The following ITSN2 variants were observed in gnomAD, a reference collection of about 807,000 sequenced individuals.
ITSN2 encodes intersectin-2.
ITSN2 carries 156 observed loss-of-function variants against 243.7 expected under a neutral mutation model. The observed-to-expected ratio is 0.64, with a 90% confidence interval of 0.56 to 0.73. The LOEUF (loss-of-function observed/expected upper bound fraction) is 0.73. ITSN2 is among the 30% of genes least tolerant of loss of function. ITSN2 has a pLI of 0.00. For synonymous variants in ITSN2, 703 were observed against 699.9 expected (o/e 1.00, Z -0.07); for missense variants, 1,801 against 1,996.1 (o/e 0.90, Z 1.86).
intron 17 of ITSN2, among the ~76,000 whole-genome samples, chr2:24,279,555 G>C (rs1487340717): frequency 6.6e-6 from 1 of 152,100 alleles, no homozygotes; most frequent in Non-Finnish European, 1.5e-5. Flanking sequence ...TTGCAAAGAA[G>C]ACAGGCAGAT....
At chr2:24,266,971 G>T (rs984066082) in intron 20 of ITSN2, among the ~76,000 whole-genome samples, 2 of 151,852 alleles carry the variant, frequency 1.3e-5, no homozygotes, top group Admixed American at 6.6e-5. Flanking sequence ...AAATAGCTAA[G>T]CCAGAGCAAT....
intron 9 of ITSN2, among the ~76,000 whole-genome samples, chr2:24,303,505 A>G (rs1682062957): frequency 6.6e-6 from 1 of 152,258 alleles, no homozygotes; most frequent in African/African-American, 2.4e-5. Context: ...AGAGTCAAAA[A>G]GTTTTAAAAA....
intron 30 of ITSN2, among the ~76,000 whole-genome samples, chr2:24,218,935 G>A (rs953496517): frequency 1.3e-5 from 2 of 152,118 alleles, no homozygotes; most frequent in African/African-American, 2.4e-5. Context: ...TCCACTGTCC[G>A]TGTGATAAGA....
chr2:24,279,409 C>T (rs1204939205), intron 17 of ITSN2, among the ~76,000 whole-genome samples: 1 of 152,190 alleles, frequency 6.6e-6, no homozygotes, highest in Non-Finnish European at 1.5e-5. Flanking sequence ...TTTGGAGATT[C>T]TGACAACCCC....
At chr2:24,353,738 T>C (rs1222164231) in intron 1 of ITSN2, among the ~76,000 whole-genome samples, 2 of 152,184 alleles carry the variant, frequency 1.3e-5, no homozygotes, top group Non-Finnish European at 1.5e-5. Flanking sequence ...CCCACCAACA[T>C]TCATATCCTA....
At chr2:24,308,862 C>T (rs1398463686) in intron 7 of ITSN2, 106 bp from the exon 8 acceptor site, 2 of 764,368 alleles carry the variant, frequency 2.6e-6, no homozygotes, top group South Asian at 3.2e-5. Context: ...GGGTCCTGAA[C>T]CCCCGGGCCA....
intron 16 of ITSN2, among the ~76,000 whole-genome samples, chr2:24,285,640 TGTG>T (rs1679403988): frequency 6.6e-6 from 1 of 152,242 alleles, no homozygotes; most frequent in South Asian, 2.1e-4. Context: ...CAATGAATAC[TGTG>T]GTGAATGATA....
intron 29 of ITSN2, among the ~76,000 whole-genome samples, chr2:24,227,337 A>C (rs966855805): frequency 6.6e-6 from 1 of 151,838 alleles, no homozygotes; most frequent in Non-Finnish European, 1.5e-5. Context: ...TCCACCATAA[A>C]TTGAAAAATG....
At chr2:24,342,795 A>C (rs575542744) in intron 1 of ITSN2, among the ~76,000 whole-genome samples, 1 of 152,094 alleles carries the variant, frequency 6.6e-6, no homozygotes, top group African/African-American at 2.4e-5. Context: ...ACTCACATGA[A>C]ATAGTGAAGG....
chr2:24,258,722 T>C (rs1488397736), intron 22 of ITSN2, among the ~76,000 whole-genome samples: 1 of 152,222 alleles, frequency 6.6e-6, no homozygotes, highest in South Asian at 2.1e-4. Flanking sequence ...CCTTAAATGA[T>C]AGTCTTAAAC....
At chr2:24,245,442 A>G (rs183726071) in intron 29 of ITSN2, among the ~76,000 whole-genome samples, 2 of 152,268 alleles carry the variant, frequency 1.3e-5, no homozygotes, top group African/African-American at 4.8e-5. Context: ...CTAAAAGAGT[A>G]ATTTTGAATA....
chr2:24,276,221 T>C (rs575516277), intron 17 of ITSN2, among the ~76,000 whole-genome samples: 1 of 152,372 alleles, frequency 6.6e-6, no homozygotes, highest in East Asian at 1.9e-4. Flanking sequence ...AGTCATGTTT[T>C]TGACATATGT....
chr2:24,204,147 T>G lies in ITSN2; in HGVS notation c.4936+98A>C. On this transcript the variant is annotated intron_variant, in intron 39 of 39. Coordinates refer to ENST00000355123, the MANE Select transcript of ITSN2 (RefSeq NM_006277.3). This position sits in a 1 kb window ranked among gnomAD's most constrained non-coding sequence, Gnocchi z 5.1. ...ACAGGCCTGTGTCACTTCCCTGAAG[T>G]GGCATGGGGTCTGCACACAGCTGAA... The G allele has an allele frequency of 1.7e-6, 2 of 1,187,982 alleles. No homozygotes were observed. The highest frequency in any genetic ancestry group is 2.4e-6 in the Non-Finnish European group (2 of 821,842). 73.6% of individuals were successfully genotyped at this position (1,187,982 alleles called of 1,614,324 possible).
intron 32 of ITSN2, among the ~76,000 whole-genome samples, chr2:24,215,709 C>A (rs1669896774): frequency 6.8e-6 from 1 of 147,746 alleles, no homozygotes; most frequent in Non-Finnish European, 1.5e-5. Context: ...TATACTCTTT[C>A]TGGAATAAGG....
At position 24,261,760 on chromosome 2, in the gene ITSN2, A is replaced by C; in HGVS notation, c.2356-18T>G. 6.4e-7 allele frequency: 1 copy of C among 1,573,532 alleles called. No homozygotes were observed. The highest frequency in any genetic ancestry group is 8.7e-7 in the Non-Finnish European group (1 of 1,149,636). Reference sequence around the variant, plus strand: ...TCATCAACCTACGGAAATAAAAAGAAGGATTAACAGTGCTTAGAAATTCAC... The same window carrying C: ...TCATCAACCTACGGAAATAAAAAGACGGATTAACAGTGCTTAGAAATTCAC... On this transcript the variant is annotated intron_variant, in intron 20 of 39. Transcript: ENST00000355123.
At chr2:24,336,032 G>A (rs1477546426) in intron 1 of ITSN2, among the ~76,000 whole-genome samples, 2 of 151,646 alleles carry the variant, frequency 1.3e-5, no homozygotes, top group Non-Finnish European at 2.9e-5. Flanking sequence ...ACGAGGTCAG[G>A]AGATCGAGAC....
intron 7 of ITSN2, among the ~76,000 whole-genome samples, chr2:24,309,420 G>C (rs953884926): frequency 6.6e-6 from 1 of 152,116 alleles, no homozygotes; most frequent in South Asian, 2.1e-4. Flanking sequence ...GGCTGGTCTC[G>C]AACTCCTGAG....
Position 24,204,810 on chromosome 2 carries a change from A to G in ITSN2, c.4763-392T>C, listed in dbSNP as rs1156419225. 1 of 459,218 alleles carries G rather than the reference A, an allele frequency of 2.2e-6. No homozygotes were observed. Among genetic ancestry groups the G allele is most frequent in the Non-Finnish European group, 4.3e-6 (1 of 229,916 alleles). The allele number at this position is 459,218 out of a possible 1,614,324, so 28.4% of individuals were successfully genotyped here. ...TTTTAGTGGCACTGGACACACTGTTAGAAAGCATTCCTTTATTCAGTGTTC... is the reference window on the plus strand; with the variant it reads ...TTTTAGTGGCACTGGACACACTGTTGGAAAGCATTCCTTTATTCAGTGTTC... On this transcript the variant is annotated intron_variant, in intron 38 of 39. Coordinates refer to ENST00000355123, the MANE Select transcript of ITSN2 (RefSeq NM_006277.3). This position sits in a 1 kb window ranked among gnomAD's most constrained non-coding sequence, Gnocchi z 5.1.
At chr2:24,334,501 C>T in intron 1 of ITSN2, 2 of 714,468 alleles carry the variant, frequency 2.8e-6, no homozygotes, top group South Asian at 2.7e-5. Context: ...GCCAATAGCG[C>T]TCATGCAAAC....
Sources: gnomAD v4.1 joint callset for allele counts (sites outside exome capture counted in the v4.1 genomes callset) on GRCh38, gnomAD v4.1.1 for gene constraint, Gnocchi (gnomAD v3.1) non-coding constraint, MANE v1.5 for transcripts, NCBI Gene and HGNC (gene_info 2026-07-23, HGNC 2026-07-21) for gene names.